Variants in SDHB observed in about 807,000 individuals in gnomAD.
The protein encoded by SDHB is succinate dehydrogenase complex iron sulfur subunit B.
In SDHB, 21 loss-of-function variants were observed where a neutral mutation model predicts 39.7. The ratio of observed to expected loss-of-function variants is 0.53; its 90% CI spans 0.37 to 0.76. The LOEUF (loss-of-function observed/expected upper bound fraction) is 0.76. Among genes scored for constraint, SDHB ranks in the 30% least tolerant of loss-of-function variants. SDHB has a pLI of 0.00. For synonymous variants in SDHB, 118 were observed against 117.0 expected, an observed-to-expected ratio of 1.01 and a Z score of -0.06; for missense variants, 343 against 350.9, an observed-to-expected ratio of 0.98 and a Z score of 0.18.
At chr1:17,048,073 G>C (rs1319434193) in intron 1 of SDHB, among the ~76,000 whole-genome samples, 1 of 152,068 alleles carries the variant, frequency 6.6e-6, no homozygotes, top group East Asian at 1.9e-4. Flanking sequence ...GTCAAGATAG[G>C]GGACATTCCC....
At chr1:17,019,608 G>A (rs1393918738) in intron 7 of SDHB, among the ~76,000 whole-genome samples, 1 of 152,040 alleles carries the variant, frequency 6.6e-6, no homozygotes, top group African/African-American at 2.4e-5. Context: ...TTGGTAAAAT[G>A]AGACAAGTAC....
Position 17,027,853 on chromosome 1 carries a change from A to C in SDHB, c.436T>G (p.Phe146Val), listed in dbSNP as rs1553177689. The C allele has an allele frequency of 1.2e-6, 2 of 1,602,768 alleles. No homozygotes were observed. ...TCAATGGATTTGTACTGTGCATAGA[A>C]GTTGCTCAAATCCTGTGGTTAAGAG... is the stretch of plus-strand genomic sequence containing the variant. Reference protein sequence around the residue: ...IKDLVPDLSNFYAQYKSIEPY... With the variant: ...IKDLVPDLSNVYAQYKSIEPY... Residue 146 changes from phenylalanine to valine, a missense_variant, in exon 5 of 8, where the codon TTC becomes GTC. Transcript: ENST00000375499.
intron 2 of SDHB, among the ~76,000 whole-genome samples, chr1:17,038,428 T>C (rs2078061755): frequency 6.6e-6 from 1 of 152,260 alleles, no homozygotes; most frequent in Admixed American, 6.5e-5. Flanking sequence ...TCCTGCAGCC[T>C]TGCTAAATTT....
chr1:17,027,784 G>A lies in SDHB; in HGVS notation c.505C>T (p.Gln169Ter), dbSNP rs1553177676. The change falls in exon 5 of 8, where the codon CAG (glutamine) becomes TAG (stop). Residue 169 changes from glutamine (Q) to a stop codon, truncating the protein, a stop_gained. Coordinates refer to ENST00000375499, the MANE Select transcript of SDHB (RefSeq NM_003000.3). LOFTEE classifies it high-confidence loss of function. ...CGCTCTTCTATGGACTGCAGATACT[G>A]CTGCTTGCCTTCCTGAGATTCATCC... ...KKDESQEGKQQYLQSIEEREK... is the reference protein window; with the variant it reads ...KKDESQEGKQ 6.2e-7 allele frequency: 1 copy of A among 1,611,592 alleles called. No homozygotes were observed. Among genetic ancestry groups the A allele is most frequent in the Non-Finnish European group, 8.5e-7 (1 of 1,177,710 alleles).
chr1:17,048,261 C>T (rs1182910202), intron 1 of SDHB, among the ~76,000 whole-genome samples: 1 of 152,154 alleles, frequency 6.6e-6, no homozygotes, highest in Non-Finnish European at 1.5e-5. Flanking sequence ...TTGGAATTGG[C>T]TTTTTTTATT....
intron 2 of SDHB, among the ~76,000 whole-genome samples, chr1:17,035,777 T>C (rs1353131845): frequency 6.6e-6 from 1 of 152,030 alleles, no homozygotes; most frequent in Non-Finnish European, 1.5e-5. Context: ...GGAAAATTGC[T>C]TGAACCCCAG....
At chr1:17,035,476 T>C (rs1219248769) in intron 2 of SDHB, among the ~76,000 whole-genome samples, 1 of 152,216 alleles carries the variant, frequency 6.6e-6, no homozygotes, top group Non-Finnish European at 1.5e-5. Context: ...ATGATCTGCC[T>C]GTTCTTGTCC....
chr1:17,042,954 GTTTTTTTT>G (rs143394198), intron 2 of SDHB, among the ~76,000 whole-genome samples: 18 of 62,872 alleles, frequency 2.9e-4, no homozygotes, highest in Non-Finnish European at 3.4e-4. Context: ...TGTTTTATGA[GTTTTTTTT>G]TTTTTTTTTT....
In SDHB at chr1:17,053,986, G is replaced by A. The variant is rs761996626; in HGVS notation, c.34C>T (p.Arg12Trp). ...AAVVALSLRR[R>W]LPATTLGGAC... ...CCGCCAAGGGTTGTGGCCGGCAACC[G>A]GCGCCTCAAGGAGAGGGCGACCACC... The change falls in exon 1 of 8, where the codon CGG (arginine) becomes TGG (tryptophan). Residue 12 changes from arginine to tryptophan, a missense_variant. Transcript: ENST00000375499. 3 of 1,612,808 alleles carry A rather than the reference G, an allele frequency of 1.9e-6. No individual in the cohort carries two copies. The highest frequency in any genetic ancestry group is 1.7e-5 in the Admixed American group (1 of 59,928).
chr1:17,022,823 G>C (rs1239692713), intron 6 of SDHB, 93 bp from the exon 7 acceptor site: 2 of 1,492,342 alleles, frequency 1.3e-6, no homozygotes, highest in Non-Finnish European at 1.8e-6. Flanking sequence ...CAGAGGAAAG[G>C]GAATTCACTC....
At chr1:17,031,516 G>A (rs1202458556) in intron 3 of SDHB, among the ~76,000 whole-genome samples, 5 of 152,120 alleles carry the variant, frequency 3.3e-5, no homozygotes, top group Non-Finnish European at 5.9e-5. Context: ...CCTTTCCTGT[G>A]TTGCCAGGAC....
At chr1:17,044,623 G>T in intron 2 of SDHB, 138 bp downstream of exon 2, 1 of 1,074,406 alleles carries the variant, frequency 9.3e-7, no homozygotes, top group Non-Finnish European at 1.4e-6. Flanking sequence ...ACCGTGCCCG[G>T]CCCAAGCTCA....
chr1:17,021,946 C>A (rs573753821), intron 7 of SDHB, among the ~76,000 whole-genome samples: 5 of 152,200 alleles, frequency 3.3e-5, no homozygotes, highest in Non-Finnish European at 7.3e-5. Flanking sequence ...CAGAACCTGG[C>A]CAAAGGGCAG....
intron 3 of SDHB, among the ~76,000 whole-genome samples, chr1:17,029,104 T>TTTTG: frequency 1.4e-5 from 2 of 141,958 alleles, no homozygotes; most frequent in South Asian, 4.7e-4. Context: ...TTTTTTTTTT[T>TTTTG]TTTTTTTTTT....
intron 6 of SDHB, among the ~76,000 whole-genome samples, chr1:17,023,624 T>G (rs917489672): frequency 1.3e-5 from 2 of 152,194 alleles, no homozygotes; most frequent in African/African-American, 4.8e-5. Flanking sequence ...AGACACTGCT[T>G]TCTCCCCTGC....
intron 7 of SDHB, among the ~76,000 whole-genome samples, chr1:17,021,129 C>A (rs2077960081): frequency 1.3e-5 from 2 of 152,228 alleles, no homozygotes; most frequent in African/African-American, 4.8e-5. Context: ...CTGACACCTG[C>A]TATGGTTTGA....
intron 5 of SDHB, among the ~76,000 whole-genome samples, chr1:17,027,226 C>A (rs778341363): frequency 8.5e-5 from 13 of 152,306 alleles, no homozygotes; most frequent in Non-Finnish European, 1.8e-4. Flanking sequence ...GATTTTACAG[C>A]TTGTACACAG....
chr1:17,029,422 T>C (rs1322421069), intron 3 of SDHB, among the ~76,000 whole-genome samples: 1 of 139,820 alleles, frequency 7.2e-6, no homozygotes, highest in African/African-American at 2.5e-5. Flanking sequence ...CACACACCCG[T>C]CAAGCCTATT....
chr1:17,051,668 T>G (rs1200911073), intron 1 of SDHB, among the ~76,000 whole-genome samples: 1 of 149,228 alleles, frequency 6.7e-6, no homozygotes, highest in Non-Finnish European at 1.5e-5. Flanking sequence ...GTGGGTAGTA[T>G]TAATATCTGC....
Sources: allele counts gnomAD v4.1 joint callset (sites outside exome capture counted in the v4.1 genomes callset), GRCh38; gene constraint gnomAD v4.1.1; transcripts MANE v1.5; gene names NCBI Gene and HGNC (gene_info 2026-07-23, HGNC 2026-07-21).